KIRREL3: variants seen among roughly 807,000 people sequenced by gnomAD.
KIRREL3 encodes the protein kin of IRRE-like protein 3.
Under a neutral mutation model 89.7 loss-of-function variants are expected in KIRREL3, and 36 were observed. That is an observed-to-expected ratio of 0.40 (90% CI 0.31 to 0.53). The LOEUF (loss-of-function observed/expected upper bound fraction) is 0.53. Ranked by LOEUF, KIRREL3 falls within the 20% of genes least tolerant of loss-of-function variation. The probability of loss-of-function intolerance (pLI) is 0.49; values close to 1 mark genes in which losing one functional copy is unlikely to be tolerated. For synonymous variants in KIRREL3, 445 were observed against 441.4 expected (o/e 1.01, Z -0.10); for missense variants, 864 against 1,056.6 (o/e 0.82, Z 2.53).
chr11:126,629,479 G>A (rs943361134), intron 1 of KIRREL3, among the ~76,000 whole-genome samples: 2 of 152,192 alleles, frequency 1.3e-5, no homozygotes, highest in Non-Finnish European at 2.9e-5. Flanking sequence ...GCTAAATGGA[G>A]TGTGGCGGCA....
chr11:126,872,119 G>A lies in KIRREL3; in HGVS notation c.55+128336C>T, dbSNP rs1326452687. Among the ~76,000 whole-genome samples, 1 of 152,224 alleles carries A rather than the reference G, an allele frequency of 6.6e-6. No individual in the cohort carries two copies. Among genetic ancestry groups the A allele is most frequent in the African/African-American group, 2.4e-5 (1 of 41,464 alleles). ...GGTAGAAACAAGGTGCAGTGAACAA[G>A]CTGGCCAAAACCAGCAGACAGTGAT... On this transcript the variant is annotated intron_variant, in intron 1 of 16. Coordinates refer to ENST00000525144, the MANE Select transcript of KIRREL3 (RefSeq NM_032531.4). This position sits in a 1 kb window ranked among gnomAD's most constrained non-coding sequence, Gnocchi z 4.2.
chr11:126,445,550 A>G (rs982609512), intron 9 of KIRREL3, among the ~76,000 whole-genome samples: 1 of 152,212 alleles, frequency 6.6e-6, no homozygotes, highest in Admixed American at 6.5e-5. Flanking sequence ...AGTCATTTTC[A>G]GGATCCCTTT....
chr11:126,497,552 CTCAGAT>C (rs142661110), intron 4 of KIRREL3, among the ~76,000 whole-genome samples: 2,650 of 152,348 alleles, frequency 0.017, 71 homozygotes, highest in African/African-American at 0.058. Context: ...TGCTCTTCAG[CTCAGAT>C]TCTAGTTGGC....
At chr11:126,727,791 G>A (rs1458916742) in intron 1 of KIRREL3, among the ~76,000 whole-genome samples, 2 of 152,192 alleles carry the variant, frequency 1.3e-5, no homozygotes, top group African/African-American at 4.8e-5. Context: ...AGAACTAAAC[G>A]AAGGACTTTC....
At chr11:126,533,445 C>T (rs1266092019) in intron 2 of KIRREL3, among the ~76,000 whole-genome samples, 1 of 152,214 alleles carries the variant, frequency 6.6e-6, no homozygotes, top group African/African-American at 2.4e-5. Context: ...TGTACACTAG[C>T]TCACTTCATC....
chr11:126,914,590 C>A (rs909988759), intron 1 of KIRREL3, among the ~76,000 whole-genome samples: 5 of 152,200 alleles, frequency 3.3e-5, no homozygotes, highest in African/African-American at 1.2e-4. Context: ...GGTGTCACAG[C>A]CTGAGCTGAA....
chr11:126,916,795 C>T (rs1172866896), intron 1 of KIRREL3, among the ~76,000 whole-genome samples: 1 of 152,088 alleles, frequency 6.6e-6, no homozygotes, highest in Non-Finnish European at 1.5e-5. Flanking sequence ...TTACATGGTC[C>T]AAACTTCTCA....
At chr11:126,488,872 C>T (rs1190946204) in intron 4 of KIRREL3, among the ~76,000 whole-genome samples, 2 of 152,236 alleles carry the variant, frequency 1.3e-5, no homozygotes, top group African/African-American at 2.4e-5. Context: ...GCCACCTTTG[C>T]AGCCTTACCC....
intron 1 of KIRREL3, among the ~76,000 whole-genome samples, chr11:126,974,319 T>G (rs1369901883): frequency 6.6e-6 from 1 of 152,172 alleles, no homozygotes; most frequent in Non-Finnish European, 1.5e-5. Context: ...ATGCATCACT[T>G]AACGGAGATA....
chr11:126,604,728 AAAC>A (rs1942815507), intron 1 of KIRREL3, among the ~76,000 whole-genome samples: 1 of 152,182 alleles, frequency 6.6e-6, no homozygotes, highest in Non-Finnish European at 1.5e-5. Context: ...GCCCACTTCT[AAAC>A]AAGCGTGTCT....
rs1282407971 is a variant in KIRREL3, at chr11:126,568,082, A to G, written c.56-5170T>C. On this transcript the variant is annotated intron_variant, in intron 1 of 16. Transcript: ENST00000525144. This position sits in a 1 kb window ranked among gnomAD's most constrained non-coding sequence, Gnocchi z 4.6. ...CCTATCAAACAAGAAACAGAAATTA[A>G]TGGCAGGCAGTTTGGTGTGGCTGTA... is the stretch of plus-strand genomic sequence containing the variant. Among the ~76,000 whole-genome samples the G allele has an allele frequency of 6.6e-6, 1 of 152,118 alleles. No individual in the cohort carries two copies. The highest frequency in any genetic ancestry group is 1.5e-5 in the Non-Finnish European group (1 of 68,006).
At position 126,429,163 on chromosome 11, in the gene KIRREL3, G is replaced by A. The variant is rs769355375; in HGVS notation, c.1806+16C>T. ...ATGGAGTCACGGGATGGGATGGGGC[G>A]TAATTGCATTCTTACCATCAGCTGC... is the stretch of plus-strand genomic sequence containing the variant. On this transcript the variant is annotated intron_variant, in intron 15 of 16. Coordinates refer to ENST00000525144, the MANE Select transcript of KIRREL3 (RefSeq NM_032531.4). The surrounding 1 kb of genome is among the most constrained non-coding windows in gnomAD (Gnocchi z 5.2). 26 of 1,528,064 alleles carry A rather than the reference G, an allele frequency of 1.7e-5. No homozygotes were observed. The highest frequency in any genetic ancestry group is 5.0e-5 in the Admixed American group (3 of 59,612). The allele number at this position is 1,528,064 out of a possible 1,614,324, so 94.7% of individuals were successfully genotyped here.
At position 126,647,693 on chromosome 11, in the gene KIRREL3, G is replaced by A. The variant is rs1368815124; in HGVS notation, c.56-84781C>T. On this transcript the variant is annotated intron_variant, in intron 1 of 16. Coordinates refer to ENST00000525144, the MANE Select transcript of KIRREL3 (RefSeq NM_032531.4). This position sits in a 1 kb window ranked among gnomAD's most constrained non-coding sequence, Gnocchi z 4.9. ...CACTTGGACCCTGTGCCTGGATGGC[G>A]GCCAGAGCCTCCTAATTGGTCTCGC... Among the ~76,000 whole-genome samples the A allele has an allele frequency of 3.3e-5, 5 of 152,148 alleles. No individual in the cohort carries two copies. The highest frequency in any genetic ancestry group is 7.2e-5 in the African/African-American group (3 of 41,428).
chr11:126,796,080 C>T lies in KIRREL3; in HGVS notation c.55+204375G>A, dbSNP rs894596815. On this transcript the variant is annotated intron_variant, in intron 1 of 16. Transcript: ENST00000525144. This position sits in a 1 kb window ranked among gnomAD's most constrained non-coding sequence, Gnocchi z 5.1. ...TTTAGACTAACCTTTCAATGGGACA[C>T]GTTTTTATCCATGGGGTCCATGGAT... Among the ~76,000 whole-genome samples the T allele has an allele frequency of 3.3e-5, 5 of 151,906 alleles. No homozygotes were observed. The highest frequency in any genetic ancestry group is 7.4e-5 in the Non-Finnish European group (5 of 68,008).
Position 126,561,832 on chromosome 11 carries a change from G to T in KIRREL3, c.133+1003C>A, listed in dbSNP as rs1174917879. Among the ~76,000 whole-genome samples, 1 of 152,338 alleles carries T rather than the reference G, an allele frequency of 6.6e-6. No homozygotes were observed. Among genetic ancestry groups the T allele is most frequent in the East Asian group, 1.9e-4 (1 of 5,180 alleles). On this transcript the variant is annotated intron_variant, in intron 2 of 16. Transcript: ENST00000525144. This position sits in a 1 kb window ranked among gnomAD's most constrained non-coding sequence, Gnocchi z 4.5. ...TGGCAAAGTCTCAGGCATGGGGAGCGCATGGGGATGTGGTTGTCGTGGTCG... is the reference window on the plus strand; with the variant it reads ...TGGCAAAGTCTCAGGCATGGGGAGCTCATGGGGATGTGGTTGTCGTGGTCG...
chr11:126,989,805 G>A lies in KIRREL3; in HGVS notation c.55+10650C>T. Among the ~76,000 whole-genome samples the A allele has an allele frequency of 6.6e-6, 1 of 152,200 alleles. No homozygotes were observed. The highest frequency in any genetic ancestry group is 1.5e-5 in the Non-Finnish European group (1 of 68,042). The stretch of plus-strand genomic sequence containing the variant: ...CATTGTTTCCAGGGCCTGTGGCCAG[G>A]ATCCAGTTATCTTGCCTGGAAGGAT... On this transcript the variant is annotated intron_variant, in intron 1 of 16. Coordinates refer to ENST00000525144, the MANE Select transcript of KIRREL3 (RefSeq NM_032531.4). The surrounding 1 kb of genome is among the most constrained non-coding windows in gnomAD (Gnocchi z 6.2).
chr11:126,556,569 T>C lies in KIRREL3; in HGVS notation c.133+6266A>G, dbSNP rs192606689. On this transcript the variant is annotated intron_variant, in intron 2 of 16. Coordinates refer to ENST00000525144, the MANE Select transcript of KIRREL3 (RefSeq NM_032531.4). The stretch of plus-strand genomic sequence containing the variant: ...GGTAGGATTGCTTGAGCTTAGGAAT[T>C]GGAGGCTATAGTGAGCCACGATGGT... Among the ~76,000 whole-genome samples, 21 of 152,116 alleles carry C rather than the reference T, an allele frequency of 1.4e-4. No individual in the cohort carries two copies. In the East Asian group the frequency reaches 3.9e-3, roughly 28 times the overall value.
intron 5 of KIRREL3, among the ~76,000 whole-genome samples, chr11:126,464,286 T>C (rs895176084): frequency 2.7e-5 from 4 of 149,124 alleles, no homozygotes; most frequent in Non-Finnish European, 5.9e-5. Flanking sequence ...GGTGGGAGGA[T>C]TGCTTGAGCC....
intron 7 of KIRREL3, among the ~76,000 whole-genome samples, chr11:126,450,414 T>A (rs1956008479): frequency 6.6e-6 from 1 of 151,082 alleles, no homozygotes; most frequent in Non-Finnish European, 1.5e-5. Context: ...TGTGTGCATG[T>A]GTGAGTGGGC....
Sources: gnomAD v4.1 joint callset for allele counts (sites outside exome capture counted in the v4.1 genomes callset) on GRCh38, gnomAD v4.1.1 for gene constraint, Gnocchi (gnomAD v3.1) non-coding constraint, MANE v1.5 for transcripts, NCBI Gene and HGNC (gene_info 2026-07-23, HGNC 2026-07-21) for gene names.